EEPD1: variants seen among roughly 807,000 people sequenced by gnomAD.
EEPD1 encodes the protein endonuclease/exonuclease/phosphatase family domain containing 1, also known as endonuclease/exonuclease/phosphatase family domain-containing protein 1.
Under a neutral mutation model 46.3 loss-of-function variants are expected in EEPD1, and 17 were observed. The ratio of observed to expected loss-of-function variants is 0.37; its 90% confidence interval spans 0.25 to 0.55. The LOEUF is 0.55. Ranked by LOEUF, EEPD1 falls within the 20% of genes least tolerant of loss-of-function variation. The pLI is 0.83. For synonymous variants in EEPD1, 313 were observed against 315.6 expected (o/e 0.99, Z 0.09); for missense variants, 673 against 745.6 (o/e 0.90, Z 1.13).
At chr7:36,245,738 G>T (rs778369440) in intron 3 of EEPD1, among the ~76,000 whole-genome samples, 16 of 152,238 alleles carry the variant, frequency 1.1e-4, no homozygotes, top group Non-Finnish European at 2.2e-4. Flanking sequence ...TAAGATGTGT[G>T]AGTGTCAGTG....
intron 3 of EEPD1, 88 bp downstream of exon 3, chr7:36,239,124 A>G (rs1786509015): frequency 5.4e-6 from 7 of 1,289,092 alleles, no homozygotes; most frequent in Non-Finnish European, 7.8e-6. Context: ...CACCAGAGAC[A>G]GCCCCTACTG....
chr7:36,282,461 C>T (rs559428909), intron 4 of EEPD1, among the ~76,000 whole-genome samples: 2 of 152,356 alleles, frequency 1.3e-5, no homozygotes, highest in African/African-American at 4.8e-5. Context: ...TGGCCCCTCC[C>T]GCAGGGAGTG....
At chr7:36,280,952 G>T in intron 3 of EEPD1, 163 bp from the exon 4 acceptor site, 1 of 552,500 alleles carries the variant, frequency 1.8e-6, no homozygotes, top group East Asian at 2.8e-5. Flanking sequence ...TAGTCATCTG[G>T]CTCTTGCAAA....
chr7:36,297,440 A>G (rs1302386784), intron 7 of EEPD1, among the ~76,000 whole-genome samples: 4 of 152,192 alleles, frequency 2.6e-5, no homozygotes, highest in Non-Finnish European at 5.9e-5. Flanking sequence ...TTATTCAAAT[A>G]TACCTCCTGC....
chr7:36,173,052 A>C (rs1785116782), intron 2 of EEPD1, among the ~76,000 whole-genome samples: 1 of 152,136 alleles, frequency 6.6e-6, no homozygotes. Flanking sequence ...AACACTACAC[A>C]TTCAGTTACT....
chr7:36,234,962 ATAG>A (rs1309180247), intron 2 of EEPD1, among the ~76,000 whole-genome samples: 1 of 128,800 alleles, frequency 7.8e-6, no homozygotes, highest in Non-Finnish European at 1.6e-5. Flanking sequence ...GGCCTCCCCC[ATAG>A]CCTCCAGCCC....
rs1213915969 is a variant in EEPD1 at position 36,301,420 on chromosome 7, TTCCCCC to T, written c.*2217_*2222del. ...CATATCCCTCCTCTTCTTTGCATAT[TTCCCCC>T]TCTAATTAGCATGTTGCATTAGCAT... On this transcript the variant is annotated 3_prime_UTR_variant, in exon 8 of 8. Coordinates refer to ENST00000242108, the MANE Select transcript of EEPD1 (RefSeq NM_030636.3). 6.6e-6 allele frequency: 1 copy of T among 152,270 alleles called. No individual in the cohort carries two copies. Among genetic ancestry groups the T allele is most frequent in the Admixed American group, 6.5e-5 (1 of 15,292 alleles). The allele number at this position is 152,270 out of a possible 1,614,324, so 9.4% of individuals were successfully genotyped here.
intron 4 of EEPD1, among the ~76,000 whole-genome samples, chr7:36,283,774 T>A (rs1298877642): frequency 1.3e-5 from 2 of 152,190 alleles, no homozygotes; most frequent in Non-Finnish European, 2.9e-5. Flanking sequence ...AGAGCTGACC[T>A]TGGGGACTTT....
chr7:36,169,669 T>C lies in EEPD1; in HGVS notation c.878+14467T>C, dbSNP rs142227780. 9.6e-3 allele frequency among the ~76,000 whole-genome samples: 1,460 copies of C among 152,308 alleles called. 37 individuals are homozygous for C. The highest frequency in any genetic ancestry group is 0.034 in the African/African-American group (1,404 of 41,558). ...TCCTCGCCCCTTAGTCATGGAGTCA[T>C]TGTACCAGGACATAACCTGGAATAA... On this transcript the variant is annotated intron_variant, in intron 2 of 7. Transcript: ENST00000242108.
chr7:36,164,673 A>G (rs1036095549), intron 2 of EEPD1, among the ~76,000 whole-genome samples: 4 of 152,208 alleles, frequency 2.6e-5, no homozygotes, highest in African/African-American at 7.2e-5. Context: ...TGAAAAAGTC[A>G]ATCTCTGGAG....
chr7:36,266,085 T>C (rs1787011470), intron 3 of EEPD1, among the ~76,000 whole-genome samples: 1 of 152,186 alleles, frequency 6.6e-6, no homozygotes, highest in Non-Finnish European at 1.5e-5. Flanking sequence ...CATCCCTGTG[T>C]TTCCGCTCTC....
chr7:36,246,955 A>G (rs1019036350), intron 3 of EEPD1, among the ~76,000 whole-genome samples: 33 of 151,988 alleles, frequency 2.2e-4, no homozygotes, highest in Non-Finnish European at 3.7e-4. Flanking sequence ...GTGAAACCCC[A>G]TCTCTACCAA....
At chr7:36,223,934 A>G (rs774459124) in intron 2 of EEPD1, among the ~76,000 whole-genome samples, 4 of 152,240 alleles carry the variant, frequency 2.6e-5, no homozygotes, top group Non-Finnish European at 5.9e-5. Context: ...AACACTTTCA[A>G]CTGAATCCTC....
chr7:36,275,103 G>A (rs916865320), intron 3 of EEPD1, among the ~76,000 whole-genome samples: 2 of 152,322 alleles, frequency 1.3e-5, no homozygotes, highest in East Asian at 3.9e-4. Context: ...GGGAAGTCAC[G>A]TCCAGAGTCA....
intron 3 of EEPD1, among the ~76,000 whole-genome samples, chr7:36,245,238 G>A (rs1786619663): frequency 1.3e-5 from 2 of 152,132 alleles, no homozygotes; most frequent in Admixed American, 6.5e-5. Context: ...ATGAGCTACC[G>A]CGCCTGGCCA....
intron 2 of EEPD1, among the ~76,000 whole-genome samples, chr7:36,204,686 C>T (rs1257158497): frequency 2.0e-5 from 3 of 152,214 alleles, no homozygotes; most frequent in Non-Finnish European, 4.4e-5. Context: ...AGACCGGGCT[C>T]ACCTGGGCTG....
rs61671366 is a variant in EEPD1 at position 36,187,444 on chromosome 7, C to T, written c.878+32242C>T. 1.7e-3 allele frequency among the ~76,000 whole-genome samples: 266 copies of T among 152,298 alleles called. 6 individuals are homozygous for T. Among genetic ancestry groups the T allele is most frequent in the East Asian group, 4.4e-3 (23 of 5,182 alleles). On this transcript the variant is annotated intron_variant, in intron 2 of 7. Coordinates refer to ENST00000242108, the MANE Select transcript of EEPD1 (RefSeq NM_030636.3). Reference sequence around the variant, plus strand: ...CCCCTGGCAACCACCATCCTACTTTCTGTCTCTATGAATTTGACCACTCTA... The same window carrying T: ...CCCCTGGCAACCACCATCCTACTTTTTGTCTCTATGAATTTGACCACTCTA...
At chr7:36,230,415 G>T (rs1223531189) in intron 2 of EEPD1, among the ~76,000 whole-genome samples, 1 of 152,076 alleles carries the variant, frequency 6.6e-6, no homozygotes, top group African/African-American at 2.4e-5. Context: ...TCTGAGCAGG[G>T]CCAGCCCCAC....
intron 3 of EEPD1, among the ~76,000 whole-genome samples, chr7:36,260,061 A>G (rs1165174977): frequency 6.6e-6 from 1 of 152,202 alleles, no homozygotes; most frequent in East Asian, 1.9e-4. Flanking sequence ...ATACAGTCAT[A>G]TACATATTGT....
Sources: allele counts gnomAD v4.1 joint callset (sites outside exome capture counted in the v4.1 genomes callset), GRCh38; gene constraint gnomAD v4.1.1; transcripts MANE v1.5; gene names NCBI Gene and HGNC (gene_info 2026-07-23, HGNC 2026-07-21).